The following TEX48 variants were observed in gnomAD, a reference collection of about 807,000 sequenced individuals.
TEX48 encodes the protein testis-expressed protein 48.
Under a neutral mutation model 13.2 loss-of-function variants are expected in TEX48, and 10 were observed. That is an observed-to-expected ratio of 0.75 (90% CI 0.47 to 1.28). TEX48 has a LOEUF of 1.28. Ranked by LOEUF, TEX48 falls within the 50% of genes most tolerant of loss-of-function variation. The pLI, the probability that TEX48 is intolerant of heterozygous loss-of-function variation, is 0.00. For missense variants in TEX48, 116 were observed against 139.4 expected (o/e 0.83, Z 0.84); for synonymous variants, 45 against 52.3 (o/e 0.86, Z 0.60).
chr9:114,670,740 A>G (rs781176777), intron 3 of TEX48, among the ~76,000 whole-genome samples: 11 of 152,182 alleles, frequency 7.2e-5, no homozygotes, highest in Non-Finnish European at 1.5e-4. Context: ...TTTATTTTGT[A>G]AACCATTGAG....
At chr9:114,672,204 G>T (rs1379434925) in intron 1 of TEX48, among the ~76,000 whole-genome samples, 2 of 152,126 alleles carry the variant, frequency 1.3e-5, no homozygotes, top group Non-Finnish European at 2.9e-5. Flanking sequence ...GCTGGTCCAG[G>T]TCCTATGGAA....
intron 1 of TEX48, among the ~76,000 whole-genome samples, chr9:114,678,125 A>G (rs1589380353): frequency 6.6e-6 from 1 of 152,220 alleles, no homozygotes; most frequent in East Asian, 1.9e-4. Flanking sequence ...CCAAACATAA[A>G]TAGAAGGCTT....
chr9:114,669,493 G>T (rs1161410896), intron 3 of TEX48, among the ~76,000 whole-genome samples: 1 of 151,764 alleles, frequency 6.6e-6, no homozygotes, highest in Non-Finnish European at 1.5e-5. Context: ...CCAGGCTGGA[G>T]TGCGATGGCA....
chr9:114,672,834 T>G (rs1011662789), intron 1 of TEX48, among the ~76,000 whole-genome samples: 1 of 152,096 alleles, frequency 6.6e-6, no homozygotes, highest in African/African-American at 2.4e-5. Context: ...TCAAATAGAA[T>G]CAAATAGAAA....
At chr9:114,670,170 A>G (rs898931604) in intron 3 of TEX48, among the ~76,000 whole-genome samples, 1 of 152,342 alleles carries the variant, frequency 6.6e-6, no homozygotes, top group African/African-American at 2.4e-5. Flanking sequence ...TATGAAATAT[A>G]CACTCTGAAA....
intron 1 of TEX48, among the ~76,000 whole-genome samples, chr9:114,674,546 T>G (rs1828015246): frequency 6.6e-6 from 1 of 150,866 alleles, no homozygotes; most frequent in African/African-American, 2.5e-5. Context: ...TCTTCTTTCT[T>G]TCTCTCTTTT....
Position 114,668,281 on chromosome 9 carries a change from C to T in TEX48, c.184G>A (p.Val62Ile), listed in dbSNP as rs1827879873. Residue 62 changes from valine (V) to isoleucine (I), a missense_variant, in exon 4 of 5, where the codon GTC (valine) becomes ATC (isoleucine). Transcript: ENST00000436752. ...GGTGTTCTCGAAGGCAAATGGGAGA[C>T]TGCGTTAATGCGCTTGGGATTTTGT... ...DRQNPKRINA[V>I]SHLPSRTPLI... 2.6e-6 allele frequency: 4 copies of T among 1,535,646 alleles called. No homozygotes were observed. The highest frequency in any genetic ancestry group is 3.5e-6 in the Non-Finnish European group (4 of 1,146,854).
chr9:114,669,535 G>A (rs1827906988), intron 3 of TEX48, among the ~76,000 whole-genome samples: 3 of 151,914 alleles, frequency 2.0e-5, no homozygotes, highest in South Asian at 2.1e-4. Flanking sequence ...TCCACCTCTC[G>A]GGTTCAAGCG....
intron 1 of TEX48, among the ~76,000 whole-genome samples, chr9:114,678,034 T>G (rs1477152892): frequency 1.3e-5 from 2 of 152,122 alleles, no homozygotes; most frequent in Non-Finnish European, 2.9e-5. Flanking sequence ...TGACTTAGGA[T>G]TACTGTAGCC....
At chr9:114,668,364 C>T (rs1054629575) in intron 3 of TEX48, 27 bp from the exon 4 acceptor site, 7 of 1,532,496 alleles carry the variant, frequency 4.6e-6, no homozygotes, top group Admixed American at 3.9e-5. Context: ...CACAGGGTCA[C>T]GTGGGGGAGG....
intron 2 of TEX48, 25 bp from the exon 3 acceptor site, chr9:114,671,530 G>T (rs1255967705): frequency 6.8e-7 from 1 of 1,474,550 alleles, no homozygotes; most frequent in South Asian, 1.2e-5. Context: ...GGAATGAGGG[G>T]CATGGGTTCC....
At chr9:114,669,267 G>T (rs1401428179) in intron 3 of TEX48, among the ~76,000 whole-genome samples, 2 of 152,076 alleles carry the variant, frequency 1.3e-5, no homozygotes, top group East Asian at 3.9e-4. Context: ...AAGTTCCAAT[G>T]TTGTATTATT....
intron 1 of TEX48, among the ~76,000 whole-genome samples, chr9:114,677,463 G>A (rs1451522776): frequency 2.0e-5 from 3 of 152,118 alleles, no homozygotes; most frequent in African/African-American, 7.2e-5. Flanking sequence ...AATCTGCTTC[G>A]TATTCTGCTA....
intron 1 of TEX48, among the ~76,000 whole-genome samples, chr9:114,679,635 A>C (rs1265078306): frequency 1.3e-5 from 2 of 152,352 alleles, no homozygotes; most frequent in East Asian, 3.9e-4. Flanking sequence ...ATTGTTCTGC[A>C]TGATGAATAC....
At chr9:114,672,703 C>A (rs771520718) in intron 1 of TEX48, among the ~76,000 whole-genome samples, 3 of 152,092 alleles carry the variant, frequency 2.0e-5, no homozygotes, top group African/African-American at 4.8e-5. Flanking sequence ...ATAATTAATA[C>A]AAAAGTTGGG....
intron 3 of TEX48, among the ~76,000 whole-genome samples, chr9:114,668,713 G>T (rs943086999): frequency 6.6e-6 from 1 of 152,152 alleles, no homozygotes; most frequent in Non-Finnish European, 1.5e-5. Flanking sequence ...ATATTGAATA[G>T]TATAAGGGAG....
intron 3 of TEX48, among the ~76,000 whole-genome samples, chr9:114,669,209 G>A (rs1193960306): frequency 6.6e-6 from 1 of 152,134 alleles, no homozygotes; most frequent in Non-Finnish European, 1.5e-5. Flanking sequence ...TTTAAAAAAT[G>A]GTTGTACAGT....
Position 114,671,705 on chromosome 9 carries a change from A to G in TEX48, c.4+15T>C, listed in dbSNP as rs779727864. 6.5e-6 allele frequency: 10 copies of G among 1,535,516 alleles called. No individual in the cohort carries two copies. The South Asian group carries it at 1.1e-4, about 16-fold the overall frequency. On this transcript the variant is annotated intron_variant, in intron 2 of 4. Transcript: ENST00000436752. ...CCTAGGCCATTTTTTCCTATTCTGT[A>G]CAAAGTTTTCTTACCCATGGAAAGG...
intron 1 of TEX48, among the ~76,000 whole-genome samples, chr9:114,676,586 A>C (rs1018051475): frequency 1.3e-5 from 2 of 151,820 alleles, no homozygotes; most frequent in African/African-American, 4.8e-5. Flanking sequence ...AGGATAGACA[A>C]ATGTCCATGG....
Sources: allele counts gnomAD v4.1 joint callset (sites outside exome capture counted in the v4.1 genomes callset), GRCh38; gene constraint gnomAD v4.1.1; transcripts MANE v1.5; gene names NCBI Gene and HGNC (gene_info 2026-07-23, HGNC 2026-07-21).